POLR2F: variants seen among roughly 807,000 people sequenced by gnomAD.
POLR2F encodes DNA-directed RNA polymerases I, II, and III subunit RPABC2.
A neutral mutation model predicts 22.7 loss-of-function variants in POLR2F; 12 were observed. The observed-to-expected ratio is 0.53, with a 90% confidence interval of 0.34 to 0.86. POLR2F has a LOEUF of 0.86. Among genes scored for constraint, POLR2F ranks in the 40% least tolerant of loss-of-function variants. The probability of loss-of-function intolerance (pLI) is 0.02; values close to 1 mark genes in which losing one functional copy is unlikely to be tolerated. For missense variants in POLR2F, 126 were observed against 171.5 expected, an observed-to-expected ratio of 0.73 and a Z score of 1.48; for synonymous variants, 57 against 66.0, an observed-to-expected ratio of 0.86 and a Z score of 0.66.
In POLR2F at chr22:37,956,762, T is replaced by C; in HGVS notation, c.21-11T>C. 4 of 1,610,536 alleles carry C rather than the reference T, an allele frequency of 2.5e-6. No homozygotes were observed. The highest frequency in any genetic ancestry group is 3.4e-6 in the Non-Finnish European group (4 of 1,176,672). On this transcript the variant is annotated splice_polypyrimidine_tract_variant and intron_variant, in intron 1 of 4. Transcript: ENST00000442738. Reference sequence around the variant, plus strand: ...GATGCTCTAAGTAACTGATCTCTTCTTCCTGTACAGTTTTGATGGCGACGA... The same window carrying C: ...GATGCTCTAAGTAACTGATCTCTTCCTCCTGTACAGTTTTGATGGCGACGA...
upstream of POLR2F, among the ~76,000 whole-genome samples, chr22:37,985,620 G>A (rs1031176428): frequency 1.3e-5 from 2 of 152,154 alleles, no homozygotes; most frequent in Non-Finnish European, 2.9e-5. Context: ...ACCATGTGAC[G>A]TTCTGAGCTC....
rs752598130 is a variant in POLR2F, at chr22:37,967,415, C to T, written c.294-210C>T. Reference sequence around the variant, plus strand: ...ATTTCCCTGTTCCTGCTGCAGGAGGCCTTACCAATATTCTGTCATTCTTCC... The same window carrying T: ...ATTTCCCTGTTCCTGCTGCAGGAGGTCTTACCAATATTCTGTCATTCTTCC... On this transcript the variant is annotated intron_variant, in intron 4 of 4. Coordinates refer to ENST00000442738, the MANE Select transcript of POLR2F (RefSeq NM_021974.5). 5.8e-4 allele frequency: 829 copies of T among 1,434,690 alleles called. 1 individual carries two copies. The highest frequency in any genetic ancestry group is 7.6e-4 in the Middle Eastern group (3 of 3,956). 88.9% of individuals were successfully genotyped at this position (1,434,690 alleles called of 1,614,324 possible).
rs550461003 is a variant in POLR2F at position 37,953,704 on chromosome 22, A to G, written c.-84A>G. The G allele has an allele frequency of 1.3e-6, 2 of 1,516,702 alleles. No individual in the cohort carries two copies. The highest frequency in any genetic ancestry group is 1.4e-5 in the African/African-American group (1 of 73,888). The allele number at this position is 1,516,702 out of a possible 1,614,324, so 94.0% of individuals were successfully genotyped here. ...TTACGGCGCAGGCGCAAGATAAGCT[A>G]GGAGCCGCGCGAGTCGTAGTGTCGC... On this transcript the variant is annotated 5_prime_UTR_variant, in exon 1 of 5. Coordinates refer to ENST00000442738, the MANE Select transcript of POLR2F (RefSeq NM_021974.5).
intron 4 of POLR2F, 159 bp from the exon 5 acceptor site, chr22:37,967,466 C>A (rs1931901980): frequency 1.4e-6 from 2 of 1,439,508 alleles, no homozygotes; most frequent in Admixed American, 3.0e-5. Context: ...TAAAAACTTT[C>A]TTTTTCTTGT....
Position 37,969,228 on chromosome 22 carries a change from A to G in POLR2F, c.*1513A>G, listed in dbSNP as rs944665462. On this transcript the variant is annotated 3_prime_UTR_variant, in exon 5 of 5. Coordinates refer to ENST00000442738, the MANE Select transcript of POLR2F (RefSeq NM_021974.5). Reference sequence around the variant, plus strand: ...TTTTTCCTCCTGTCTTCCTCTTCCCATTCTCCTCTTTTGGGGAGTCCCCTG... The same window carrying G: ...TTTTTCCTCCTGTCTTCCTCTTCCCGTTCTCCTCTTTTGGGGAGTCCCCTG... 1.0e-6 allele frequency: 1 copy of G among 985,238 alleles called. No individual in the cohort carries two copies. Among genetic ancestry groups the G allele is most frequent in the Non-Finnish European group, 1.2e-6 (1 of 829,884 alleles). The allele number at this position is 985,238 out of a possible 1,614,324, so 61.0% of individuals were successfully genotyped here. A position where few individuals can be genotyped will look rare whatever the true frequency, so the allele number is the denominator to read the frequency against.
downstream of POLR2F, chr22:37,972,090 G>A: frequency 3.0e-6 from 1 of 329,802 alleles, no homozygotes; most frequent in South Asian, 2.1e-5. Flanking sequence ...AGAGGGGGAG[G>A]GGGGAGAGAG....
chr22:37,990,566 C>T (rs920769872), intron 1 of POLR2F, among the ~76,000 whole-genome samples: 1 of 152,200 alleles, frequency 6.6e-6, no homozygotes, highest in Non-Finnish European at 1.5e-5. Flanking sequence ...GGAGCTGGGA[C>T]TGGGAGGTGA....
chr22:37,996,310 G>C (rs1382081273), intron 1 of POLR2F, among the ~76,000 whole-genome samples: 1 of 152,162 alleles, frequency 6.6e-6, no homozygotes, highest in African/African-American at 2.4e-5. Flanking sequence ...CAGGGAAAGA[G>C]GGGGGAACAG....
chr22:38,031,079 G>T (rs150705813), downstream of POLR2F, among the ~76,000 whole-genome samples: 3 of 152,056 alleles, frequency 2.0e-5, no homozygotes, highest in Non-Finnish European at 4.4e-5. The surrounding 1 kb of genome is among the most constrained non-coding windows in gnomAD (Gnocchi z 4.1). Context: ...GGCAAGTGTC[G>T]GTGTCGCCCC....
At chr22:37,972,164 G>A, downstream of POLR2F, 1 of 789,468 alleles carries the variant, frequency 1.3e-6, no homozygotes, top group Non-Finnish European at 1.9e-6. Context: ...GAAGGGGGTG[G>A]GGAAAGAGGG....
intron 4 of POLR2F, 61 bp downstream of exon 4, chr22:37,967,231 C>G: frequency 6.2e-7 from 1 of 1,602,142 alleles, no homozygotes; most frequent in Non-Finnish European, 8.5e-7. Flanking sequence ...GTTGGGCTCT[C>G]TGTTGCACCC....
downstream of POLR2F, among the ~76,000 whole-genome samples, chr22:37,971,706 T>C (rs1932057721): frequency 6.6e-6 from 1 of 152,026 alleles, no homozygotes; most frequent in South Asian, 2.1e-4. Flanking sequence ...ACAGGGCCTA[T>C]CCACACATCC....
At chr22:37,977,360 G>A (rs1215931978) in intron 4 of POLR2F, among the ~76,000 whole-genome samples, 1 of 147,910 alleles carries the variant, frequency 6.8e-6, no homozygotes, top group Non-Finnish European at 1.5e-5. Flanking sequence ...TCGCTCTGTC[G>A]CCCAGGCTGG....
Position 38,037,596 on chromosome 22 carries a change from C to CT in POLR2F, c.453-3458dup, listed in dbSNP as rs34521431. Among the ~76,000 whole-genome samples the CT allele has an allele frequency of 9.9e-3, 1,390 of 140,722 alleles. 24 individuals are homozygous for CT. Among genetic ancestry groups the CT allele is most frequent in the African/African-American group, 0.034 (1,294 of 37,512 alleles). The allele number at this position is 140,722 out of a possible 152,430, so 92.3% of individuals were successfully genotyped here. ...CCAATGCCTGGCCTCTTCCTATCTC[C>CT]TTTTTTTTTTTTTTGAGACGGAGTC... On this transcript the variant is annotated intron_variant, in intron 5 of 5. Transcript: ENST00000407936.
chr22:37,993,706 AG>A (rs1932760159), intron 1 of POLR2F, among the ~76,000 whole-genome samples: 1 of 152,110 alleles, frequency 6.6e-6, no homozygotes, highest in African/African-American at 2.4e-5. Flanking sequence ...AAGGATAAAA[AG>A]GGCCGGGCAC....
chr22:37,956,892 C>T (rs781055695), intron 2 of POLR2F, 50 bp downstream of exon 2: 4 of 1,403,686 alleles, frequency 2.8e-6, no homozygotes, highest in Admixed American at 1.7e-5. Flanking sequence ...GCTGCCAAAT[C>T]GTCTGACAGG....
chr22:37,986,007 G>T (rs1160281982), upstream of POLR2F: 11 of 1,298,058 alleles, frequency 8.5e-6, no homozygotes, highest in Admixed American at 3.4e-5. The surrounding 1 kb of genome is among the most constrained non-coding windows in gnomAD (Gnocchi z 4.7). Flanking sequence ...CCCCGGCGCT[G>T]CCAACCCTCC....
At chr22:37,972,367 C>A, downstream of POLR2F, 1 of 542,680 alleles carries the variant, frequency 1.8e-6, no homozygotes, top group Admixed American at 2.5e-5. Context: ...TTAATAGGGG[C>A]TAGAGTGGCT....
At chr22:37,972,414 G>A (rs1032304514), downstream of POLR2F, 91 of 380,960 alleles carry the variant, frequency 2.4e-4, no homozygotes, top group African/African-American at 1.9e-3. Context: ...ACAGGAGACA[G>A]TAATGAGTTA....
Sources: gnomAD v4.1 joint callset for allele counts (sites outside exome capture counted in the v4.1 genomes callset) on GRCh38, gnomAD v4.1.1 for gene constraint, Gnocchi (gnomAD v3.1) non-coding constraint, MANE v1.5 for transcripts, NCBI Gene and HGNC (gene_info 2026-07-23, HGNC 2026-07-21) for gene names.